Variants in KCNMA1 observed in about 807,000 individuals in gnomAD.
The protein encoded by KCNMA1 is potassium calcium-activated channel subfamily M alpha 1.
KCNMA1 carries 29 observed loss-of-function variants against 140.0 expected under a neutral mutation model. The ratio of observed to expected loss-of-function variants is 0.21; its 90% CI spans 0.15 to 0.28. The LOEUF is 0.28. KCNMA1 is among the 10% of genes least tolerant of loss of function. The pLI, the probability that KCNMA1 is intolerant of heterozygous loss-of-function variation, is 1.00. For missense variants in KCNMA1, 880 were observed against 1,602.2 expected (o/e 0.55, Z 7.70); for synonymous variants, 612 against 611.9 (o/e 1.00, Z 0.00).
chr10:77,636,481 GC>G, intron 1 of KCNMA1: 1 of 1,536,206 alleles, frequency 6.5e-7, no homozygotes, highest in South Asian at 1.2e-5. Context: ...GCTCCGCGCT[GC>G]TGGTGGCATT....
intron 5 of KCNMA1, among the ~76,000 whole-genome samples, chr10:77,150,589 T>C (rs1190367236): frequency 6.6e-6 from 1 of 152,046 alleles, no homozygotes; most frequent in Non-Finnish European, 1.5e-5. Context: ...AGCAAATAAA[T>C]AATCATTTAT....
chr10:77,360,678 C>T (rs546700739), intron 2 of KCNMA1, among the ~76,000 whole-genome samples: 1 of 152,324 alleles, frequency 6.6e-6, no homozygotes, highest in South Asian at 2.1e-4. Context: ...ATTCACTTCC[C>T]AGATGTGTTT....
At chr10:77,483,615 C>T (rs1175064724) in intron 1 of KCNMA1, among the ~76,000 whole-genome samples, 2 of 152,140 alleles carry the variant, frequency 1.3e-5, no homozygotes, top group Admixed American at 6.5e-5. Flanking sequence ...TTCCAGCCAC[C>T]CCTGCTTGCC....
chr10:77,214,283 T>A (rs1396900103), intron 3 of KCNMA1, among the ~76,000 whole-genome samples: 1 of 152,178 alleles, frequency 6.6e-6, no homozygotes, highest in Non-Finnish European at 1.5e-5. Flanking sequence ...CCCATGTTCT[T>A]TTCTGCACCA....
At chr10:77,213,893 C>T (rs2154178219) in intron 3 of KCNMA1, among the ~76,000 whole-genome samples, 1 of 152,274 alleles carries the variant, frequency 6.6e-6, no homozygotes, top group East Asian at 1.9e-4. Flanking sequence ...CACTGGGACC[C>T]TTCCCCAACC....
rs1333470529 is a variant in KCNMA1, at chr10:77,537,226, C to T, written c.378+100039G>A. Reference sequence around the variant, plus strand: ...ACCAAACTCCTCTTCTGCTCCATTGCTTCCCCTCCACCCCCCTGCTCCTTT... The same window carrying T: ...ACCAAACTCCTCTTCTGCTCCATTGTTTCCCCTCCACCCCCCTGCTCCTTT... On this transcript the variant is annotated intron_variant, in intron 1 of 27. Coordinates refer to ENST00000286628, the MANE Select transcript of KCNMA1 (RefSeq NM_001161352.2). Among the ~76,000 whole-genome samples, 11 of 152,254 alleles carry T rather than the reference C, an allele frequency of 7.2e-5. No individual in the cohort carries two copies. The East Asian group carries it at 2.1e-3, about 29-fold the overall frequency.
rs116402736 is a variant in KCNMA1, at chr10:77,525,743, G to T, written c.378+111522C>A. The stretch of plus-strand genomic sequence containing the variant: ...TGTGCACCCCAGTTAAGTGAGAACT[G>T]CCCTTTGCTATTCATGGAGGCAAAA... On this transcript the variant is annotated intron_variant, in intron 1 of 27. Coordinates refer to ENST00000286628, the MANE Select transcript of KCNMA1 (RefSeq NM_001161352.2). Among the ~76,000 whole-genome samples, 402 of 152,340 alleles carry T rather than the reference G, an allele frequency of 2.6e-3. 8 individuals are homozygous for T. Among genetic ancestry groups the T allele is most frequent in the African/African-American group, 9.1e-3 (377 of 41,578 alleles).
rs372227333 is a variant in KCNMA1, at chr10:77,484,712, C to T, written c.379-80689G>A. Among the ~76,000 whole-genome samples, 85 of 152,322 alleles carry T rather than the reference C, an allele frequency of 5.6e-4. 1 individual carries two copies. The South Asian group carries it at 0.017, about 31-fold the overall frequency. ...GGACAAATGGTCCAAACAAGACATG[C>T]TGGGCCCCACCCAAAGAGTCGCTAA... On this transcript the variant is annotated intron_variant, in intron 1 of 27. Coordinates refer to ENST00000286628, the MANE Select transcript of KCNMA1 (RefSeq NM_001161352.2).
intron 1 of KCNMA1, among the ~76,000 whole-genome samples, chr10:77,562,628 C>T (rs1018085549): frequency 1.3e-5 from 2 of 152,086 alleles, no homozygotes; most frequent in African/African-American, 4.8e-5. Context: ...ATTCCCTAGG[C>T]CCAGCATTCC....
intron 1 of KCNMA1, among the ~76,000 whole-genome samples, chr10:77,502,809 A>G (rs554332357): frequency 6.6e-6 from 1 of 152,324 alleles, no homozygotes; most frequent in East Asian, 1.9e-4. Flanking sequence ...AGGATTAAAT[A>G]AGATTACATG....
intron 16 of KCNMA1, among the ~76,000 whole-genome samples, chr10:77,024,403 C>T (rs922226006): frequency 1.3e-5 from 2 of 152,102 alleles, no homozygotes; most frequent in Non-Finnish European, 2.9e-5. Context: ...CAGACACACA[C>T]ACACACACAA....
chr10:77,281,581 G>T (rs2068609159), intron 2 of KCNMA1, among the ~76,000 whole-genome samples: 1 of 152,174 alleles, frequency 6.6e-6, no homozygotes, highest in Admixed American at 6.5e-5. Context: ...AGACCACTGA[G>T]ATCCAATACG....
intron 1 of KCNMA1, among the ~76,000 whole-genome samples, chr10:77,557,367 G>C (rs1364638337): frequency 1.3e-5 from 2 of 152,196 alleles, no homozygotes; most frequent in South Asian, 4.1e-4. Context: ...TAAAGGATGT[G>C]TGGACAAATA....
In KCNMA1 at chr10:77,369,760, G is replaced by A. The variant is rs2094563692; in HGVS notation, c.540+34102C>T. The stretch of plus-strand genomic sequence containing the variant: ...TCTCTACAAGTTACTGAGGCAGGAG[G>A]AGACAGAGGAGAGAGGGAACATGTG... On this transcript the variant is annotated intron_variant, in intron 2 of 27. Coordinates refer to ENST00000286628, the MANE Select transcript of KCNMA1 (RefSeq NM_001161352.2). 2.0e-5 allele frequency among the ~76,000 whole-genome samples: 3 copies of A among 152,306 alleles called. No individual in the cohort carries two copies. In the Middle Eastern group the frequency reaches 0.01, roughly 518 times the overall value.
intron 1 of KCNMA1, among the ~76,000 whole-genome samples, chr10:77,480,792 TC>T (rs2098378938): frequency 1.3e-5 from 2 of 151,892 alleles, no homozygotes; most frequent in African/African-American, 4.8e-5. Flanking sequence ...ACCTTTTCTC[TC>T]CCCATAGGGT....
intron 2 of KCNMA1, among the ~76,000 whole-genome samples, chr10:77,254,433 G>C (rs537385460): frequency 3.7e-4 from 57 of 152,146 alleles, no homozygotes; most frequent in African/African-American, 1.3e-3. Flanking sequence ...ATGTTGGCCA[G>C]GCTGGTCTCA....
chr10:77,193,661 G>C (rs947373172), intron 3 of KCNMA1, among the ~76,000 whole-genome samples: 5 of 152,108 alleles, frequency 3.3e-5, no homozygotes, highest in African/African-American at 1.2e-4. Flanking sequence ...CCCACACAAC[G>C]TGTACACACA....
At chr10:77,251,366 G>A in intron 2 of KCNMA1, 110 bp from the exon 3 acceptor site, 1 of 802,384 alleles carries the variant, frequency 1.2e-6, no homozygotes, top group Non-Finnish European at 2.1e-6. Flanking sequence ...TGCCCTTGGG[G>A]ACCTGCTTGG....
chr10:77,061,271 T>C (rs1190480236), intron 14 of KCNMA1, among the ~76,000 whole-genome samples: 6 of 152,118 alleles, frequency 3.9e-5, no homozygotes, highest in Admixed American at 3.9e-4. Context: ...TATTTACAAA[T>C]TGTATATCCA....
Sources: gnomAD v4.1 joint callset for allele counts (sites outside exome capture counted in the v4.1 genomes callset) on GRCh38, gnomAD v4.1.1 for gene constraint, MANE v1.5 for transcripts, NCBI Gene and HGNC (gene_info 2026-07-23, HGNC 2026-07-21) for gene names.